The following WDFY1 variants were observed in gnomAD, a reference collection of about 807,000 sequenced individuals.
WDFY1 encodes the protein WD repeat and FYVE domain-containing protein 1.
A neutral mutation model predicts 56.4 loss-of-function variants in WDFY1; 32 were observed. The observed-to-expected ratio is 0.57, with a 90% CI of 0.43 to 0.76. The LOEUF (loss-of-function observed/expected upper bound fraction) is 0.76. Among genes scored for constraint, WDFY1 ranks in the 30% least tolerant of loss-of-function variants. WDFY1 has a pLI of 0.00. For missense variants in WDFY1, 480 were observed against 545.7 expected (o/e 0.88, Z 1.20); for synonymous variants, 192 against 197.3 (o/e 0.97, Z 0.23).
intron 2 of WDFY1, among the ~76,000 whole-genome samples, chr2:223,913,927 A>G (rs1043788183): frequency 4.0e-5 from 6 of 150,548 alleles, no homozygotes; most frequent in Non-Finnish European, 5.9e-5. Flanking sequence ...AAGCAATATA[A>G]ATTTAATGTA....
At chr2:223,939,829 C>A (rs1182271170) in intron 1 of WDFY1, among the ~76,000 whole-genome samples, 3 of 152,158 alleles carry the variant, frequency 2.0e-5, no homozygotes, top group African/African-American at 7.2e-5. Context: ...ATCATGACAA[C>A]CAAAAATGTC....
At chr2:223,928,271 G>A (rs371983696) in intron 1 of WDFY1, among the ~76,000 whole-genome samples, 1 of 152,172 alleles carries the variant, frequency 6.6e-6, no homozygotes, top group African/African-American at 2.4e-5. Context: ...ACAAAATGCA[G>A]TATCTGAGAA....
intron 1 of WDFY1, among the ~76,000 whole-genome samples, chr2:223,931,457 TA>T (rs1163312919): frequency 6.6e-6 from 1 of 152,202 alleles, no homozygotes; most frequent in Non-Finnish European, 1.5e-5. Flanking sequence ...CTGATGATCA[TA>T]ATAAGTAGAA....
intron 8 of WDFY1, among the ~76,000 whole-genome samples, chr2:223,891,945 A>C (rs1693285450): frequency 6.6e-6 from 1 of 152,164 alleles, no homozygotes; most frequent in Non-Finnish European, 1.5e-5. Flanking sequence ...AATCTTTGCA[A>C]ATATAGTATT....
intron 6 of WDFY1, among the ~76,000 whole-genome samples, chr2:223,896,403 T>C (rs891234134): frequency 2.6e-5 from 4 of 152,154 alleles, no homozygotes; most frequent in Non-Finnish European, 4.4e-5. Context: ...CCAAGATGTC[T>C]ATGTTTAAGC....
At chr2:223,901,867 A>C (rs904694143) in intron 4 of WDFY1, among the ~76,000 whole-genome samples, 1 of 152,208 alleles carries the variant, frequency 6.6e-6, no homozygotes, top group Admixed American at 6.5e-5. Context: ...TCAGTGTGTA[A>C]CATTTTATTA....
intron 1 of WDFY1, among the ~76,000 whole-genome samples, chr2:223,918,939 G>A (rs960692220): frequency 6.6e-6 from 1 of 152,198 alleles, no homozygotes; most frequent in Admixed American, 6.5e-5. Flanking sequence ...TGCACAGGGT[G>A]ATGAGGAAAT....
At chr2:223,897,993 C>T (rs650004) in intron 6 of WDFY1, among the ~76,000 whole-genome samples, 141,638 of 152,160 alleles carry the variant, frequency 0.93, 65,993 homozygotes, top group South Asian at 0.96. Flanking sequence ...ACCAATTAAA[C>T]CTCTTTTCTT....
chr2:223,929,193 T>G (rs1262100024), intron 1 of WDFY1, among the ~76,000 whole-genome samples: 1 of 136,356 alleles, frequency 7.3e-6, no homozygotes, highest in East Asian at 1.9e-4. Context: ...TTTTTTGTTT[T>G]TTTTTTTTTT....
chr2:223,906,983 A>ATTATTATTATAT (rs1301046086), intron 3 of WDFY1, among the ~76,000 whole-genome samples: 1 of 149,256 alleles, frequency 6.7e-6, no homozygotes, highest in African/African-American at 2.5e-5. Flanking sequence ...TATTATTATT[A>ATTATTATTATAT]TATTATTTTG....
intron 1 of WDFY1, among the ~76,000 whole-genome samples, chr2:223,935,179 C>A (rs1416507625): frequency 6.6e-6 from 1 of 152,142 alleles, no homozygotes; most frequent in Admixed American, 6.6e-5. Context: ...GCACCCTCAT[C>A]TCCCCATTAA....
intron 1 of WDFY1, among the ~76,000 whole-genome samples, chr2:223,942,772 T>C (rs1394125626): frequency 8.0e-6 from 1 of 125,496 alleles, no homozygotes; most frequent in African/African-American, 3.0e-5. Context: ...CCTGACCTCA[T>C]GATCCACCCG....
rs774430377 is a variant in WDFY1, at chr2:223,894,254, T to C, written c.811A>G (p.Met271Val). ...SSDGGIAVWN[M>V]DVSREEAPQW... ...CTTACCTCTTCTCTGCTAACATCCA[T>C]GTTCCACACTGCAATTCCGCCGTCC... Residue 271 changes from methionine (M) to valine (V), a missense_variant, in exon 8 of 12, where the codon ATG (methionine) becomes GTG (valine). Physicochemically the swap from Met to Val is conservative, Grantham distance 21. Coordinates refer to ENST00000233055, the MANE Select transcript of WDFY1 (RefSeq NM_020830.5). The C allele has an allele frequency of 3.7e-6, 6 of 1,614,174 alleles. No homozygotes were observed. In the Admixed American group the frequency reaches 8.3e-5, roughly 22 times the overall value.
chr2:223,920,325 G>A (rs774361908), intron 1 of WDFY1, among the ~76,000 whole-genome samples: 1 of 152,216 alleles, frequency 6.6e-6, no homozygotes, highest in Non-Finnish European at 1.5e-5. Context: ...GGGCCCACGC[G>A]GCCAGGCCCA....
chr2:223,925,796 T>C (rs6717691), intron 1 of WDFY1, among the ~76,000 whole-genome samples: 128,010 of 152,222 alleles, frequency 0.84, 54,579 homozygotes, highest in Non-Finnish European at 0.93. Context: ...CATTAGATGT[T>C]GATTCCATCT....
At chr2:223,883,774 T>C (rs1478932057) in intron 9 of WDFY1, among the ~76,000 whole-genome samples, 2 of 152,118 alleles carry the variant, frequency 1.3e-5, no homozygotes, top group Non-Finnish European at 2.9e-5. Context: ...GCCTCCCGAG[T>C]AGCTGGGATT....
At chr2:223,895,657 G>T in intron 6 of WDFY1, 27 bp from the exon 7 acceptor site, 1 of 1,612,936 alleles carries the variant, frequency 6.2e-7, no homozygotes. Context: ...GAGAGAGAGA[G>T]AGGGAGGCAG....
At chr2:223,942,560 G>A (rs1689326817) in intron 1 of WDFY1, among the ~76,000 whole-genome samples, 1 of 56,640 alleles carries the variant, frequency 1.8e-5, no homozygotes, top group Non-Finnish European at 3.4e-5. Context: ...ACGGAGTCTC[G>A]CTCTGTCGCC....
intron 1 of WDFY1, among the ~76,000 whole-genome samples, chr2:223,924,400 A>G (rs1311051665): frequency 6.6e-6 from 1 of 152,160 alleles, no homozygotes; most frequent in Non-Finnish European, 1.5e-5. Context: ...GTCTCACTCC[A>G]TCACCCAGGC....
Sources: gnomAD v4.1 joint callset for allele counts (sites outside exome capture counted in the v4.1 genomes callset) on GRCh38, gnomAD v4.1.1 for gene constraint, MANE v1.5 for transcripts, NCBI Gene and HGNC (gene_info 2026-07-23, HGNC 2026-07-21) for gene names.